The following AKTIP variants were observed in gnomAD, a reference collection of about 807,000 sequenced individuals.
AKTIP encodes the protein AKT interacting protein.
AKTIP carries 16 observed loss-of-function variants against 39.1 expected under a neutral mutation model. The observed-to-expected ratio is 0.41, with a 90% CI of 0.28 to 0.62. The LOEUF (loss-of-function observed/expected upper bound fraction) is 0.62, where lower values mean the gene tolerates loss of function less well. Ranked by LOEUF, AKTIP falls within the 20% of genes least tolerant of loss-of-function variation. AKTIP has a pLI of 0.32. For synonymous variants in AKTIP, 93 were observed against 124.3 expected (o/e 0.75, Z 1.67); for missense variants, 262 against 356.6 (o/e 0.73, Z 2.14).
intron 8 of AKTIP, 94 bp downstream of exon 8, chr16:53,494,044 C>A: frequency 1.1e-6 from 1 of 951,080 alleles, no homozygotes. Flanking sequence ...TATGCATGTG[C>A]CTTTTTATAT....
In AKTIP at chr16:53,498,742, G is replaced by C. The variant is rs1480951372; in HGVS notation, c.43-146C>G. The C allele has an allele frequency of 1.7e-5, 13 of 785,344 alleles. No individual in the cohort carries two copies. In the South Asian group the frequency reaches 2.1e-4, roughly 13 times the overall value. 48.6% of individuals were successfully genotyped at this position (785,344 alleles called of 1,614,324 possible). ...GACCAAGATGACTAGAAAGTCCTTT[G>C]GGCAGGCAGGTCATATAAAGAGAAG... On this transcript the variant is annotated intron_variant, in intron 2 of 9. Transcript: ENST00000394657.
chr16:53,493,764 T>C (rs563452796), intron 8 of AKTIP: 59 of 217,158 alleles, frequency 2.7e-4, no homozygotes, highest in Non-Finnish European at 4.7e-4. Context: ...ATTCTCACAC[T>C]ATTCAGTTTC....
At chr16:53,496,019 T>C (rs1219400682) in intron 3 of AKTIP, among the ~76,000 whole-genome samples, 1 of 152,166 alleles carries the variant, frequency 6.6e-6, no homozygotes, top group Admixed American at 6.5e-5. Context: ...CAAGAAACGA[T>C]AAGTGTATTG....
chr16:53,498,854 A>G (rs545918155), intron 2 of AKTIP, among the ~76,000 whole-genome samples: 57 of 152,352 alleles, frequency 3.7e-4, no homozygotes, highest in African/African-American at 1.3e-3. Flanking sequence ...CAGTGTGTAC[A>G]GGATTAACTG....
Position 53,492,178 on chromosome 16 carries a change from T to C in AKTIP, c.*234A>G. 1 of 439,878 alleles carries C rather than the reference T, an allele frequency of 2.3e-6. No individual in the cohort carries two copies. The highest frequency in any genetic ancestry group is 2.0e-5 in the African/African-American group (1 of 50,380). The allele number at this position is 439,878 out of a possible 1,614,324, so 27.2% of individuals were successfully genotyped here. ...CTTACTTAAGCCTCAAGGTCCCCAA[T>C]AATTTGGAGTACTGAACTAGATAAC... On this transcript the variant is annotated 3_prime_UTR_variant, in exon 10 of 10. Coordinates refer to ENST00000394657, the MANE Select transcript of AKTIP (RefSeq NM_022476.4).
chr16:53,493,080 T>C, intron 8 of AKTIP: 1 of 241,206 alleles, frequency 4.1e-6, no homozygotes, highest in Non-Finnish European at 8.3e-6. Flanking sequence ...CTCCAAGCTC[T>C]TTTTTTTGAG....
intron 1 of AKTIP, among the ~76,000 whole-genome samples, chr16:53,500,597 C>G (rs981688999): frequency 1.3e-5 from 2 of 152,202 alleles, no homozygotes; most frequent in South Asian, 4.1e-4. Flanking sequence ...AGGCTGGTCT[C>G]GAACTCCTGA....
chr16:53,493,966 G>A (rs1961664812), intron 8 of AKTIP, 172 bp downstream of exon 8: 3 of 568,042 alleles, frequency 5.3e-6, no homozygotes, highest in African/African-American at 1.9e-5. Context: ...TTTTGTTTAA[G>A]AGAAGAGCCT....
Position 53,494,265 on chromosome 16 carries a change from C to CA in AKTIP, c.603-21dup, listed in dbSNP as rs1343983382. 6.2e-7 allele frequency: 1 copy of CA among 1,612,018 alleles called. No homozygotes were observed. The highest frequency in any genetic ancestry group is 1.1e-5 in the South Asian group (1 of 90,990). ...TCATACCTGTGTTAAAAGTTTAAGT[C>CA]AAAAAGTTACTAACTTAATCTACTT... is the stretch of plus-strand genomic sequence containing the variant. On this transcript the variant is annotated intron_variant, in intron 7 of 9. Coordinates refer to ENST00000394657, the MANE Select transcript of AKTIP (RefSeq NM_022476.4).
chr16:53,500,236 A>G lies in AKTIP; in HGVS notation c.24T>C (p.Ser8=), dbSNP rs201919165. 5.6e-6 allele frequency: 9 copies of G among 1,612,808 alleles called. No homozygotes were observed. The Admixed American group carries it at 1.5e-4, about 27-fold the overall frequency. MNPFWSM[S]TSSVRKRSEG... ...TACCTACTTTGCGTACAGAGCTTGT[A>G]GACATGCTCCAGAAAGGGTTCATAA... is the stretch of plus-strand genomic sequence containing the variant. Residue 8 remains serine (S), a synonymous_variant, in exon 2 of 10, where the codon TCT becomes TCC. Coordinates refer to ENST00000394657, the MANE Select transcript of AKTIP (RefSeq NM_022476.4).
rs1050339570 is a variant in AKTIP, at chr16:53,503,195, C to G, written c.-119G>C. ...CCTGGCTGCCAAGCGCCGCCGCGGC[C>G]CGACAGCATCTCCCGCCGCAGCGCC... On this transcript the variant is annotated 5_prime_UTR_variant, in exon 1 of 10. Transcript: ENST00000394657. 6.5e-5 allele frequency: 10 copies of G among 154,536 alleles called. No individual in the cohort carries two copies. The highest frequency in any genetic ancestry group is 1.4e-4 in the Non-Finnish European group (10 of 70,058). The allele number at this position is 154,536 out of a possible 1,614,324, so 9.6% of individuals were successfully genotyped here. A position where few individuals can be genotyped will look rare whatever the true frequency, so the allele number is the denominator to read the frequency against.
In AKTIP at chr16:53,494,535, C is replaced by T; in HGVS notation, c.485G>A (p.Arg162Lys). 3 of 1,614,188 alleles carry T rather than the reference C, an allele frequency of 1.9e-6. No homozygotes were observed. The highest frequency in any genetic ancestry group is 2.5e-6 in the Non-Finnish European group (3 of 1,180,022). ...TACTTACCTCCATTTTGCAAATGCTCTCTTCACATCCAGCTCACCTGAGGT... is the reference window on the plus strand; with the variant it reads ...TACTTACCTCCATTTTGCAAATGCTTTCTTCACATCCAGCTCACCTGAGGT... ...DPTSGELDVK[R>K]AFAKWRRNHN... is the part of the protein sequence containing the mutation. Residue 162 changes from arginine (R) to lysine (K), a missense_variant, in exon 6 of 10, where the codon AGA (arginine) becomes AAA (lysine). Arg to Lys is a conservative substitution (Grantham distance 26). Around this residue, in one of 4 missense-constraint regions of AKTIP, gnomAD observed 145 missense variants for 159.3 expected, o/e 0.91. Transcript: ENST00000394657.
In AKTIP at chr16:53,495,287, C is replaced by T. The variant is rs758859983; in HGVS notation, c.288G>A (p.Val96=). 1.9e-6 allele frequency: 3 copies of T among 1,614,200 alleles called. No individual in the cohort carries two copies. The highest frequency in any genetic ancestry group is 2.5e-6 in the Non-Finnish European group (3 of 1,180,032). Residue 96 remains valine (V), a synonymous_variant, in exon 4 of 10, where the codon GTG becomes GTA. Transcript: ENST00000394657. ...VVKQKLPGVY[V]QPSYRSALMW... is the part of the protein sequence containing the mutation. ...TTAATGCAGAGCGATAAGATGGCTG[C>T]ACATAGACGCCTGGTAGCTTCTGCT...
At chr16:53,500,766 C>T (rs1039804002) in intron 1 of AKTIP, among the ~76,000 whole-genome samples, 1 of 152,150 alleles carries the variant, frequency 6.6e-6, no homozygotes, top group Non-Finnish European at 1.5e-5. Context: ...TTATAAAAAC[C>T]TAGGAAAAGG....
upstream of AKTIP, chr16:53,503,265 CCCT>C (rs772726244): frequency 0.25 from 36,426 of 144,066 alleles, 4,070 homozygotes; most frequent in African/African-American, 0.32. Context: ...CCCCGCCCTG[CCCT>C]GCCCTGCCCT....
At chr16:53,495,601 AAATGAAG>A (rs1453173115) in intron 3 of AKTIP, among the ~76,000 whole-genome samples, 1 of 152,226 alleles carries the variant, frequency 6.6e-6, no homozygotes, top group Admixed American at 6.5e-5. Flanking sequence ...AAACAGGAAT[AAATGAAG>A]AATAAAGTTT....
intron 3 of AKTIP, among the ~76,000 whole-genome samples, chr16:53,495,544 A>G (rs1443395735): frequency 1.3e-5 from 2 of 152,238 alleles, no homozygotes; most frequent in African/African-American, 4.8e-5. Context: ...AGCAGCTCAC[A>G]GAGAAACCAG....
intron 2 of AKTIP, among the ~76,000 whole-genome samples, chr16:53,498,891 A>G (rs1430981415): frequency 6.6e-6 from 1 of 152,208 alleles, no homozygotes; most frequent in African/African-American, 2.4e-5. Context: ...GTTTTTTCCT[A>G]GTGGCCCCAA....
At chr16:53,500,179 C>G in intron 2 of AKTIP, 39 bp downstream of exon 2, 1 of 1,504,048 alleles carries the variant, frequency 6.6e-7, no homozygotes, top group African/African-American at 1.4e-5. Context: ...GACACAGAAG[C>G]AAATGGGTTT....
Sources: allele counts gnomAD v4.1 joint callset (sites outside exome capture counted in the v4.1 genomes callset), GRCh38; gene constraint gnomAD v4.1.1; regional missense constraint gnomAD v4.1.1; transcripts MANE v1.5; gene names NCBI Gene and HGNC (gene_info 2026-07-23, HGNC 2026-07-21).